Variants in RPRD2 observed in about 807,000 individuals in gnomAD.
The protein encoded by RPRD2 is regulation of nuclear pre-mRNA domain containing 2.
In RPRD2, 12 loss-of-function variants were observed where a neutral mutation model predicts 104.4. That is an observed-to-expected ratio of 0.11 (90% confidence interval 0.07 to 0.19). The LOEUF (loss-of-function observed/expected upper bound fraction) is 0.19. Among genes scored for constraint, RPRD2 ranks in the 10% least tolerant of loss-of-function variants. RPRD2 has a pLI of 1.00. For missense variants in RPRD2, 1,543 were observed against 1,790.1 expected (o/e 0.86, Z 2.49); for synonymous variants, 714 against 684.9 (o/e 1.04, Z -0.66).
chr1:150,366,863 T>G (rs931737397), intron 1 of RPRD2, among the ~76,000 whole-genome samples: 5 of 152,260 alleles, frequency 3.3e-5, no homozygotes, highest in African/African-American at 1.2e-4. Context: ...GGGCTTTAAC[T>G]GTATGGTTAC....
At chr1:150,427,308 A>G (rs1359025498) in intron 2 of RPRD2, among the ~76,000 whole-genome samples, 1 of 152,094 alleles carries the variant, frequency 6.6e-6, no homozygotes, top group African/African-American at 2.4e-5. Context: ...CCCCATCTCT[A>G]CTAAAAATAC....
intron 1 of RPRD2, among the ~76,000 whole-genome samples, chr1:150,400,785 CTTTG>C (rs1265317839): frequency 2.0e-5 from 3 of 151,884 alleles, no homozygotes; most frequent in African/African-American, 4.8e-5. Context: ...AATAAATGTC[CTTTG>C]TTTGAGGAAG....
At chr1:150,413,969 T>C (rs970679641) in intron 1 of RPRD2, among the ~76,000 whole-genome samples, 2 of 151,922 alleles carry the variant, frequency 1.3e-5, no homozygotes, top group Non-Finnish European at 2.9e-5. Flanking sequence ...GGCATGTGAC[T>C]GTAGTCCCAG....
intron 2 of RPRD2, among the ~76,000 whole-genome samples, chr1:150,435,108 T>C (rs1665907485): frequency 6.6e-6 from 1 of 152,236 alleles, no homozygotes; most frequent in Admixed American, 6.5e-5. Flanking sequence ...GTTATGGTGA[T>C]CTGTGATCAG....
intron 1 of RPRD2, among the ~76,000 whole-genome samples, chr1:150,373,582 T>C (rs1049880990): frequency 3.0e-5 from 4 of 135,164 alleles, no homozygotes; most frequent in Non-Finnish European, 6.2e-5. Flanking sequence ...AGATAAGAGT[T>C]GACATTTATT....
intron 1 of RPRD2, among the ~76,000 whole-genome samples, chr1:150,384,453 T>TCATC (rs1560154910): frequency 2.5e-3 from 85 of 34,122 alleles, no homozygotes; most frequent in Middle Eastern, 0.016. Context: ...TCATCATCAT[T>TCATC]ATTATTATTA....
chr1:150,419,661 G>T (rs1190461965), intron 2 of RPRD2, among the ~76,000 whole-genome samples: 1 of 151,986 alleles, frequency 6.6e-6, no homozygotes, highest in Non-Finnish European at 1.5e-5. Context: ...CGCTCTTGTT[G>T]CCCAGGCTGG....
chr1:150,453,158 G>C (rs1667312573), intron 7 of RPRD2, among the ~76,000 whole-genome samples: 1 of 151,460 alleles, frequency 6.6e-6, no homozygotes, highest in South Asian at 2.1e-4. Flanking sequence ...TCAGCCTCCT[G>C]AGTAGCTGGT....
At chr1:150,391,377 C>T (rs1662049106) in intron 1 of RPRD2, among the ~76,000 whole-genome samples, 1 of 152,092 alleles carries the variant, frequency 6.6e-6, no homozygotes, top group Non-Finnish European at 1.5e-5. Flanking sequence ...TTATCTCAAA[C>T]TCCTGGGCTC....
rs1560232638 is a variant in RPRD2 at position 150,472,486 on chromosome 1, A to G, written c.3538A>G (p.Ser1180Gly). Reference sequence around the variant, plus strand: ...ACCTCAATTTCAGGAGAGTGTCGGCAGCTTTCGTTCCAACAGTTTCAACTC... The same window carrying G: ...ACCTCAATTTCAGGAGAGTGTCGGCGGCTTTCGTTCCAACAGTTTCAACTC... ...RAPQFQESVG[S>G]FRSNSFNSTF... is the part of the protein sequence containing the mutation. Residue 1180 changes from serine to glycine, a missense_variant, in exon 11 of 11, where the codon AGC becomes GGC. Ser to Gly is a moderately conservative substitution (Grantham distance 56). Around this residue, in one of 4 missense-constraint regions of RPRD2, gnomAD observed 880 missense variants for 885.6 expected, o/e 0.99. Transcript: ENST00000369068. The G allele has an allele frequency of 2.5e-6, 4 of 1,613,988 alleles. No homozygotes were observed. Among genetic ancestry groups the G allele is most frequent in the South Asian group, 2.2e-5 (2 of 91,086 alleles).
chr1:150,433,610 A>C (rs1553892427), intron 2 of RPRD2, among the ~76,000 whole-genome samples: 1 of 148,910 alleles, frequency 6.7e-6, no homozygotes, highest in Non-Finnish European at 1.5e-5. Flanking sequence ...ACGCCCAGCT[A>C]ATTTTTTGTA....
At position 150,471,296 on chromosome 1, in the gene RPRD2, C is replaced by T; in HGVS notation, c.2348C>T (p.Ser783Phe). Reference sequence around the variant, plus strand: ...GATGAAAGCTACCCCCGAGAGCTCTCCAATTCTGTATCTACATATCGACCC... The same window carrying T: ...GATGAAAGCTACCCCCGAGAGCTCTTCAATTCTGTATCTACATATCGACCC... ...GRDESYPRELSNSVSTYRPFG... is the reference protein window; with the variant it reads ...GRDESYPRELFNSVSTYRPFG... The change falls in exon 11 of 11, where the codon TCC (serine) becomes TTC (phenylalanine). Residue 783 changes from serine to phenylalanine, a missense_variant. Physicochemically the swap from Ser to Phe is radical, Grantham distance 155. This residue lies in a region of RPRD2 where 880 missense variants were observed against 885.6 expected (regional missense o/e 0.99). Coordinates refer to ENST00000369068, the MANE Select transcript of RPRD2 (RefSeq NM_015203.5). The surrounding 1 kb of genome is among the most constrained non-coding windows in gnomAD (Gnocchi z 5.3). 6.2e-7 allele frequency: 1 copy of T among 1,613,874 alleles called. No homozygotes were observed. Among genetic ancestry groups the T allele is most frequent in the Non-Finnish European group, 8.5e-7 (1 of 1,179,862 alleles).
At chr1:150,420,802 G>A (rs1453304049) in intron 2 of RPRD2, among the ~76,000 whole-genome samples, 2 of 151,956 alleles carry the variant, frequency 1.3e-5, no homozygotes, top group Non-Finnish European at 2.9e-5. Flanking sequence ...CTCTAGCCTG[G>A]GCAACACAGC....
chr1:150,372,816 G>A (rs1448687599), intron 1 of RPRD2, among the ~76,000 whole-genome samples: 2 of 151,952 alleles, frequency 1.3e-5, no homozygotes, highest in East Asian at 1.9e-4. Flanking sequence ...GTGAGTTTAG[G>A]GAGCAGCAAG....
At chr1:150,386,528 C>T (rs115569710) in intron 1 of RPRD2, among the ~76,000 whole-genome samples, 2,456 of 152,236 alleles carry the variant, frequency 0.016, 54 homozygotes, top group African/African-American at 0.055. Context: ...TGGGCACCTG[C>T]GGCTGGACAC....
At chr1:150,406,775 C>T (rs781851339) in intron 1 of RPRD2, among the ~76,000 whole-genome samples, 3 of 152,158 alleles carry the variant, frequency 2.0e-5, no homozygotes, top group African/African-American at 4.8e-5. Context: ...AGTGCAATGG[C>T]GTGATCTCGG....
chr1:150,432,266 G>A (rs952319067), intron 2 of RPRD2, among the ~76,000 whole-genome samples: 1 of 151,504 alleles, frequency 6.6e-6, no homozygotes, highest in Non-Finnish European at 1.5e-5. Flanking sequence ...GACACAAAAG[G>A]ACAAATATTG....
At chr1:150,406,406 A>G (rs1283361246) in intron 1 of RPRD2, among the ~76,000 whole-genome samples, 2 of 152,146 alleles carry the variant, frequency 1.3e-5, no homozygotes, top group Admixed American at 1.3e-4. Context: ...TAGTACTTAC[A>G]GGTAAAAAAA....
intron 2 of RPRD2, among the ~76,000 whole-genome samples, chr1:150,422,774 T>C (rs1397035818): frequency 6.6e-6 from 1 of 152,220 alleles, no homozygotes; most frequent in African/African-American, 2.4e-5. Context: ...GGGCAACTTA[T>C]TAGGGACATT....
Sources: gnomAD v4.1 joint callset for allele counts (sites outside exome capture counted in the v4.1 genomes callset) on GRCh38, gnomAD v4.1.1 for gene constraint, gnomAD v4.1.1 regional missense constraint, Gnocchi (gnomAD v3.1) non-coding constraint, MANE v1.5 for transcripts, NCBI Gene and HGNC (gene_info 2026-07-23, HGNC 2026-07-21) for gene names.